Variants in C2orf92 observed in about 807,000 individuals in gnomAD.
The protein encoded by C2orf92 is uncharacterized protein C2orf92.
intron 3 of C2orf92, among the ~76,000 whole-genome samples, chr2:97,685,252 T>G (rs532328628): frequency 2.7e-5 from 4 of 149,600 alleles, no homozygotes; most frequent in African/African-American, 9.9e-5. Flanking sequence ...TTGGTTTTTT[T>G]CTTTCTTTCT....
intron 5 of C2orf92, among the ~76,000 whole-genome samples, chr2:97,691,706 G>T (rs1676143391): frequency 6.6e-6 from 1 of 152,170 alleles, no homozygotes; most frequent in African/African-American, 2.4e-5. Context: ...GGAATGGGAA[G>T]AGCTTATTAA....
intron 5 of C2orf92, among the ~76,000 whole-genome samples, chr2:97,694,838 C>T (rs1288929682): frequency 6.6e-6 from 1 of 152,184 alleles, no homozygotes; most frequent in East Asian, 1.9e-4. Flanking sequence ...GTACCATTTG[C>T]ATTCCTACCA....
chr2:97,694,496 A>C (rs973867256), intron 5 of C2orf92: 1 of 148,652 alleles, frequency 6.7e-6, no homozygotes, highest in African/African-American at 2.5e-5. Context: ...TCCTGACCTC[A>C]TGATCCGCCC....
rs370774062 is a variant in C2orf92 at position 97,689,540 on chromosome 2, T to A, written c.331+547T>A. Among the ~76,000 whole-genome samples, 47 of 152,322 alleles carry A rather than the reference T, an allele frequency of 3.1e-4. 1 individual carries two copies. Among genetic ancestry groups the A allele is most frequent in the African/African-American group, 1.1e-3 (46 of 41,568 alleles). On this transcript the variant is annotated intron_variant, in intron 4 of 7. Coordinates refer to ENST00000627399, the MANE Select transcript of C2orf92 (RefSeq NM_001351368.2). Reference sequence around the variant, plus strand: ...TGGGAAAAATTTAGCACTTTGGGAATTAAGATAGGTATTTGCTCACAGTAA... The same window carrying A: ...TGGGAAAAATTTAGCACTTTGGGAAATAAGATAGGTATTTGCTCACAGTAA...
upstream of C2orf92, chr2:97,665,781 T>G (rs1675212643): frequency 6.9e-6 from 1 of 144,450 alleles, no homozygotes; most frequent in Non-Finnish European, 1.5e-5. Flanking sequence ...ATATTTTGTT[T>G]TGTTTTGTTT....
intron 1 of C2orf92, chr2:97,670,328 T>TA (rs1450187388): frequency 6.6e-6 from 1 of 151,916 alleles, no homozygotes; most frequent in Non-Finnish European, 1.5e-5. Flanking sequence ...CCTGTCTGTA[T>TA]AAAAAATTTT....
At chr2:97,697,124 G>T (rs973518021) in intron 5 of C2orf92, 2 of 152,194 alleles carry the variant, frequency 1.3e-5, no homozygotes, top group African/African-American at 4.8e-5. Flanking sequence ...AAGGACGGGA[G>T]AATTGCTCTT....
In C2orf92 at chr2:97,690,430, G is replaced by GA. The variant is rs1318170170; in HGVS notation, c.403+104dup. 1.0e-5 allele frequency: 4 copies of GA among 381,866 alleles called. No individual in the cohort carries two copies. In the South Asian group the frequency reaches 5.7e-4, roughly 55 times the overall value. 23.7% of individuals were successfully genotyped at this position (381,866 alleles called of 1,614,324 possible). A position where few individuals can be genotyped will look rare whatever the true frequency, so the allele number is the denominator to read the frequency against. On this transcript the variant is annotated intron_variant, in intron 5 of 7. Transcript: ENST00000627399. Reference sequence around the variant, plus strand: ...GAGTCTCACTCTGTTGCCCAGGCTGGAGTACAGCGGTGCAGTCTCGGCTCA... The same window carrying GA: ...GAGTCTCACTCTGTTGCCCAGGCTGGAAGTACAGCGGTGCAGTCTCGGCTCA...
chr2:97,682,400 C>G (rs765484420), intron 3 of C2orf92, among the ~76,000 whole-genome samples: 4 of 152,194 alleles, frequency 2.6e-5, no homozygotes, highest in African/African-American at 4.8e-5. Context: ...AGAACTAACA[C>G]CAGTCCTCAA....
intron 1 of C2orf92, chr2:97,664,587 A>C (rs963064709): frequency 6.6e-6 from 1 of 151,950 alleles, no homozygotes; most frequent in African/African-American, 2.4e-5. Flanking sequence ...TTTTACTGAA[A>C]TAGTCTCCGT....
At chr2:97,669,926 CA>C in intron 1 of C2orf92, 92 bp downstream of exon 1, 1 of 398,152 alleles carries the variant, frequency 2.5e-6, no homozygotes, top group East Asian at 3.6e-5. Flanking sequence ...GTGTGGGGAA[CA>C]CAGATGCTTT....
intron 1 of C2orf92, among the ~76,000 whole-genome samples, chr2:97,673,867 C>T (rs1675489948): frequency 6.6e-6 from 1 of 152,162 alleles, no homozygotes; most frequent in Non-Finnish European, 1.5e-5. Flanking sequence ...GGCCAGTCTC[C>T]AGGAGCATTA....
chr2:97,664,123 G>A (rs907945144), upstream of C2orf92: 10 of 264,136 alleles, frequency 3.8e-5, no homozygotes, highest in African/African-American at 6.8e-5. Context: ...CTGCGCGAAG[G>A]GGGCGGGGCC....
At chr2:97,679,837 CAAAA>C (rs55696146) in intron 3 of C2orf92, among the ~76,000 whole-genome samples, 2 of 94,758 alleles carry the variant, frequency 2.1e-5, no homozygotes, top group Admixed American at 2.4e-4. Flanking sequence ...AACTCTATCT[CAAAA>C]AAAAAAAAAA....
chr2:97,691,728 C>G (rs1270267078), intron 5 of C2orf92, among the ~76,000 whole-genome samples: 2 of 152,146 alleles, frequency 1.3e-5, no homozygotes, highest in Non-Finnish European at 2.9e-5. Context: ...AATCCTTATT[C>G]CTGGCTGGGT....
chr2:97,671,800 C>T lies in C2orf92; in HGVS notation c.46+1966C>T, dbSNP rs574281089. ...TGCCTCGCCAGTTTCTGCTCTGAGG[C>T]CCCAAAGCCGAGCTGAACCTCCTCC... is the stretch of plus-strand genomic sequence containing the variant. On this transcript the variant is annotated intron_variant, in intron 1 of 7. Transcript: ENST00000627399. The T allele has an allele frequency of 2.8e-5, 8 of 288,208 alleles. No homozygotes were observed. The South Asian group carries it at 1.2e-3, about 42-fold the overall frequency. The allele number at this position is 288,208 out of a possible 1,614,324, so 17.9% of individuals were successfully genotyped here.
chr2:97,670,982 C>T lies in C2orf92; in HGVS notation c.46+1148C>T, dbSNP rs111685460. ...TTTTTAATTTTTTGAGATGGAGTGT[C>T]GCTCTCTCACCCAGGCTGGAGTGCA... On this transcript the variant is annotated intron_variant, in intron 1 of 7. Transcript: ENST00000627399. 9.7e-3 allele frequency: 1,473 copies of T among 152,234 alleles called. 31 individuals are homozygous for T. Among genetic ancestry groups the T allele is most frequent in the African/African-American group, 0.032 (1,344 of 41,542 alleles). 9.4% of individuals were successfully genotyped at this position (152,234 alleles called of 1,614,324 possible). A position where few individuals can be genotyped will look rare whatever the true frequency, so the allele number is the denominator to read the frequency against.
intron 3 of C2orf92, among the ~76,000 whole-genome samples, chr2:97,682,933 A>G (rs1423730864): frequency 1.3e-5 from 2 of 152,160 alleles, no homozygotes; most frequent in Non-Finnish European, 2.9e-5. Flanking sequence ...GCTCTCACCA[A>G]TTCTATTCAA....
At chr2:97,679,448 AG>A (rs1342175824) in intron 3 of C2orf92, among the ~76,000 whole-genome samples, 2 of 152,248 alleles carry the variant, frequency 1.3e-5, no homozygotes, top group South Asian at 2.1e-4. Context: ...TAAAAATTTA[AG>A]ATACTAGGTG....
Sources: allele counts gnomAD v4.1 joint callset (sites outside exome capture counted in the v4.1 genomes callset), GRCh38; gene constraint gnomAD v4.1.1; transcripts MANE v1.5; gene names NCBI Gene and HGNC (gene_info 2026-07-23, HGNC 2026-07-21).